The following SLC10A7 variants were observed in gnomAD, a reference collection of about 807,000 sequenced individuals.
SLC10A7 encodes solute carrier family 10 member 7, also known as sodium/bile acid cotransporter 7.
Under a neutral mutation model 43.2 loss-of-function variants are expected in SLC10A7, and 29 were observed. The ratio of observed to expected loss-of-function variants is 0.67; its 90% CI spans 0.50 to 0.92. The LOEUF is 0.92. Among genes scored for constraint, SLC10A7 ranks in the 40% least tolerant of loss-of-function variants. SLC10A7 has a pLI of 0.00. For missense variants in SLC10A7, 295 were observed against 403.2 expected, an observed-to-expected ratio of 0.73 and a Z score of 2.30; for synonymous variants, 152 against 144.8, an observed-to-expected ratio of 1.05 and a Z score of -0.35.
intron 5 of SLC10A7, among the ~76,000 whole-genome samples, chr4:146,401,031 A>G (rs1739188516): frequency 6.6e-6 from 1 of 152,232 alleles, no homozygotes; most frequent in Admixed American, 6.5e-5. Context: ...AATGAAAGAA[A>G]AGAAACTGCA....
Position 146,521,666 on chromosome 4 carries a change from G to GCACTATTC in SLC10A7, c.44_51dup (p.Leu18GlufsTer2). 6.2e-7 allele frequency: 1 copy of GCACTATTC among 1,614,180 alleles called. No homozygotes were observed. Among genetic ancestry groups the GCACTATTC allele is most frequent in the Non-Finnish European group, 8.5e-7 (1 of 1,180,030 alleles). ...TCCAGTTTAGCTCCAGCGATCGCCA[G>GCACTATTC]CACTATTCCGACCATGAACCAGTCT... On this transcript the variant is annotated stop_gained and frameshift_variant, in exon 1 of 12. Transcript: ENST00000335472. LOFTEE classifies it high-confidence loss of function.
chr4:146,320,388 G>C (rs1174123547), intron 6 of SLC10A7, among the ~76,000 whole-genome samples: 1 of 152,040 alleles, frequency 6.6e-6, no homozygotes, highest in East Asian at 1.9e-4. Flanking sequence ...TGGGATGTGA[G>C]GGCATGGGGT....
At chr4:146,485,184 C>T (rs1268205441) in intron 4 of SLC10A7, among the ~76,000 whole-genome samples, 1 of 152,204 alleles carries the variant, frequency 6.6e-6, no homozygotes, top group Non-Finnish European at 1.5e-5. Context: ...CAGAGTCACA[C>T]AGGCGGGAAT....
At chr4:146,448,310 T>G (rs1731289480) in intron 4 of SLC10A7, among the ~76,000 whole-genome samples, 1 of 152,194 alleles carries the variant, frequency 6.6e-6, no homozygotes, top group Non-Finnish European at 1.5e-5. Context: ...CTTTCATTGC[T>G]GAAAGGCTCT....
intron 6 of SLC10A7, among the ~76,000 whole-genome samples, chr4:146,316,960 T>C (rs190624471): frequency 5.3e-5 from 8 of 152,244 alleles, no homozygotes; most frequent in Admixed American, 4.6e-4. Flanking sequence ...ACTCATTTCA[T>C]CTTATCATAA....
In SLC10A7 at chr4:146,431,664, A is replaced by C. The variant is rs149372686; in HGVS notation, c.435+11119T>G. The stretch of plus-strand genomic sequence containing the variant: ...ACATTAATTCAAAATGGGTCACAAG[A>C]CTAAATGTAAAAACAAAAACTAAAA... On this transcript the variant is annotated intron_variant, in intron 5 of 11. Transcript: ENST00000335472. 2.1e-3 allele frequency among the ~76,000 whole-genome samples: 322 copies of C among 152,282 alleles called. 1 individual carries two copies. The highest frequency in any genetic ancestry group is 3.7e-3 in the Non-Finnish European group (252 of 68,000).
At chr4:146,343,120 A>G (rs1316227598) in intron 5 of SLC10A7, among the ~76,000 whole-genome samples, 1 of 152,024 alleles carries the variant, frequency 6.6e-6, no homozygotes, top group Non-Finnish European at 1.5e-5. Context: ...CATATGACCA[A>G]GAATTTAAAA....
chr4:146,288,887 T>A (rs2111161198), intron 9 of SLC10A7, among the ~76,000 whole-genome samples: 1 of 152,382 alleles, frequency 6.6e-6, no homozygotes, highest in Admixed American at 6.5e-5. Context: ...AACTGGTCTT[T>A]TTATTCTTTC....
intron 5 of SLC10A7, among the ~76,000 whole-genome samples, chr4:146,388,862 G>C (rs1385598670): frequency 6.6e-6 from 1 of 151,440 alleles, no homozygotes; most frequent in Non-Finnish European, 1.5e-5. Flanking sequence ...GTCCTCAAAA[G>C]AAAATGCAAC....
chr4:146,516,981 G>A (rs1190423876), intron 2 of SLC10A7, 57 bp downstream of exon 2: 1 of 1,313,428 alleles, frequency 7.6e-7, no homozygotes, highest in Non-Finnish European at 1.1e-6. Context: ...TTAAATTTAA[G>A]TAAGTACAAA....
At chr4:146,439,650 C>T (rs546129866) in intron 5 of SLC10A7, among the ~76,000 whole-genome samples, 1 of 152,178 alleles carries the variant, frequency 6.6e-6, no homozygotes, top group Admixed American at 6.6e-5. Context: ...TTTCTTATCA[C>T]ATCATATACA....
At chr4:146,438,704 A>C (rs1395918810) in intron 5 of SLC10A7, among the ~76,000 whole-genome samples, 1 of 152,070 alleles carries the variant, frequency 6.6e-6, no homozygotes, top group Non-Finnish European at 1.5e-5. Flanking sequence ...AGAGACATGG[A>C]AACACTGAAT....
intron 5 of SLC10A7, 150 bp downstream of exon 5, chr4:146,442,628 ACTTTT>A: frequency 1.4e-6 from 2 of 1,473,376 alleles, no homozygotes; most frequent in Non-Finnish European, 1.8e-6. Context: ...TTCATTAACT[ACTTTT>A]CTTCAGGGTA....
chr4:146,319,786 T>C (rs1440204477), intron 6 of SLC10A7, among the ~76,000 whole-genome samples: 2 of 152,012 alleles, frequency 1.3e-5, no homozygotes, highest in Non-Finnish European at 2.9e-5. Context: ...TATATGCTAA[T>C]AGAAATAATC....
chr4:146,378,721 A>G (rs555258043), intron 5 of SLC10A7, among the ~76,000 whole-genome samples: 8 of 152,324 alleles, frequency 5.3e-5, no homozygotes, highest in Non-Finnish European at 1.0e-4. Flanking sequence ...AAAAGGCCAA[A>G]CCAAATAAAA....
intron 7 of SLC10A7, 49 bp from the exon 8 acceptor site, chr4:146,294,144 T>C (rs761576708): frequency 2.8e-6 from 4 of 1,410,236 alleles, no homozygotes; most frequent in Admixed American, 2.0e-5. Flanking sequence ...ATGGAGGGAG[T>C]TGAAATGGGC....
intron 5 of SLC10A7, among the ~76,000 whole-genome samples, chr4:146,440,144 T>C (rs1730486554): frequency 6.6e-6 from 1 of 152,186 alleles, no homozygotes; most frequent in African/African-American, 2.4e-5. Flanking sequence ...TCGCAGTAAA[T>C]TGCCATATTT....
rs567278509 is a variant in SLC10A7, at chr4:146,290,493, G to A, written c.773+2436C>T. The stretch of plus-strand genomic sequence containing the variant: ...CAGGGCGGGGAGGGGGTGCAGAGAG[G>A]GAGAAATGTTCAAGCTATATGCTGT... On this transcript the variant is annotated intron_variant, in intron 9 of 11. Coordinates refer to ENST00000335472, the MANE Select transcript of SLC10A7 (RefSeq NM_001029998.6). 2.0e-4 allele frequency among the ~76,000 whole-genome samples: 31 copies of A among 152,144 alleles called. 2 individuals carry two copies. The South Asian group carries it at 6.0e-3, about 30-fold the overall frequency.
At chr4:146,266,323 TC>T (rs1314193229) in intron 10 of SLC10A7, among the ~76,000 whole-genome samples, 1 of 152,074 alleles carries the variant, frequency 6.6e-6, no homozygotes, top group African/African-American at 2.4e-5. Flanking sequence ...CACAGTGCAA[TC>T]CAGGAGGGAA....
Sources: gnomAD v4.1 joint callset for allele counts (sites outside exome capture counted in the v4.1 genomes callset) on GRCh38, gnomAD v4.1.1 for gene constraint, MANE v1.5 for transcripts, NCBI Gene and HGNC (gene_info 2026-07-23, HGNC 2026-07-21) for gene names.